MAF: variants seen among roughly 807,000 people sequenced by gnomAD.
MAF encodes MAF bZIP transcription factor, also known as transcription factor Maf.
A neutral mutation model predicts 22.0 loss-of-function variants in MAF; 10 were observed. The observed-to-expected ratio is 0.45, with a 90% CI of 0.28 to 0.77. The LOEUF is 0.77. Ranked by LOEUF, MAF falls within the 30% of genes least tolerant of loss-of-function variation. The pLI is 0.12. For synonymous variants in MAF, 337 were observed against 255.8 expected, an observed-to-expected ratio of 1.32 and a Z score of -3.03; for missense variants, 544 against 548.4, an observed-to-expected ratio of 0.99 and a Z score of 0.08.
At chr16:79,304,387 G>A in the MAF span, among the ~76,000 whole-genome samples, 1 of 152,154 alleles carries the variant, frequency 6.6e-6, no homozygotes, top group East Asian at 1.9e-4. Context: ...GTAATAACAG[G>A]CAGAAAGGAA....
the MAF span, among the ~76,000 whole-genome samples, chr16:79,526,945 G>C: frequency 3.5e-4 from 54 of 152,274 alleles, 1 homozygote; most frequent in African/African-American, 1.1e-3. Context: ...GAATTGATTT[G>C]ATTGTAAAGT....
the MAF span, among the ~76,000 whole-genome samples, chr16:79,554,802 TCA>T: frequency 1.3e-5 from 2 of 152,256 alleles, no homozygotes; most frequent in South Asian, 4.2e-4. Context: ...GTGTGACCCC[TCA>T]GTTTCTCATG....
chr16:79,392,402 A>G, the MAF span, among the ~76,000 whole-genome samples: 1 of 149,826 alleles, frequency 6.7e-6, no homozygotes, highest in Admixed American at 6.6e-5. Flanking sequence ...GAGGAGAAAC[A>G]GGAAAAGAGA....
chr16:79,390,743 G>C, the MAF span, among the ~76,000 whole-genome samples: 3 of 152,190 alleles, frequency 2.0e-5, no homozygotes, highest in South Asian at 2.1e-4. Context: ...TGAGAGATAA[G>C]ATATGGGTAG....
At chr16:79,474,432 G>A in the MAF span, among the ~76,000 whole-genome samples, 1 of 152,138 alleles carries the variant, frequency 6.6e-6, no homozygotes, top group Non-Finnish European at 1.5e-5. Context: ...TGGCTGGCTG[G>A]GCAGACAGAC....
At chr16:79,535,861 A>G in the MAF span, among the ~76,000 whole-genome samples, 1 of 152,082 alleles carries the variant, frequency 6.6e-6, no homozygotes, top group African/African-American at 2.4e-5. Context: ...ATGAGCCACC[A>G]CACCCGGCTG....
the MAF span, among the ~76,000 whole-genome samples, chr16:79,384,625 C>T: frequency 1.6e-4 from 24 of 150,642 alleles, 1 homozygote; most frequent in East Asian, 4.0e-3. Context: ...GGTGTGGTGG[C>T]GGGCGCCTGT....
At chr16:79,441,794 C>A in the MAF span, among the ~76,000 whole-genome samples, 1 of 152,164 alleles carries the variant, frequency 6.6e-6, no homozygotes. Flanking sequence ...CTACTAGGAA[C>A]CCCAGTATGT....
At chr16:79,356,222 T>C in the MAF span, among the ~76,000 whole-genome samples, 1 of 152,072 alleles carries the variant, frequency 6.6e-6, no homozygotes, top group Non-Finnish European at 1.5e-5. Flanking sequence ...ACCCTTGCAA[T>C]GCACACATTC....
chr16:79,211,699 T>C, the MAF span: 5 of 1,614,240 alleles, frequency 3.1e-6, no homozygotes, highest in Admixed American at 3.3e-5. Flanking sequence ...TGCCGCTGCA[T>C]GCCCTCACCA....
chr16:79,446,246 T>C, the MAF span, among the ~76,000 whole-genome samples: 16 of 152,160 alleles, frequency 1.1e-4, no homozygotes, highest in African/African-American at 3.9e-4. Flanking sequence ...GAGCACTAGA[T>C]TAGGAACCTG....
chr16:79,236,810 C>T, the MAF span, among the ~76,000 whole-genome samples: 7 of 151,958 alleles, frequency 4.6e-5, no homozygotes, highest in Non-Finnish European at 8.8e-5. Flanking sequence ...AAGTGCACGC[C>T]ATCTCCGATG....
the MAF span, among the ~76,000 whole-genome samples, chr16:79,432,074 C>T: frequency 1.3e-5 from 2 of 152,180 alleles, no homozygotes; most frequent in African/African-American, 2.4e-5. Context: ...TCTCCAAAAT[C>T]CCTAGGTGTC....
chr16:79,583,167 G>A (rs1912629643), downstream of MAF, among the ~76,000 whole-genome samples: 2 of 152,116 alleles, frequency 1.3e-5, no homozygotes. Flanking sequence ...GATGATTACG[G>A]GCAACACAGA....
the MAF span, among the ~76,000 whole-genome samples, chr16:79,518,506 C>T: frequency 6.6e-6 from 1 of 152,220 alleles, no homozygotes; most frequent in Non-Finnish European, 1.5e-5. Context: ...TAGGGAAACA[C>T]AGGCTCTGCA....
downstream of MAF, among the ~76,000 whole-genome samples, chr16:79,581,147 C>T (rs997552720): frequency 6.6e-6 from 1 of 152,102 alleles, no homozygotes; most frequent in Non-Finnish European, 1.5e-5. Context: ...GAATTCTAAT[C>T]ACTCCATTAA....
At chr16:79,452,200 C>A in the MAF span, among the ~76,000 whole-genome samples, 1 of 152,048 alleles carries the variant, frequency 6.6e-6, no homozygotes, top group African/African-American at 2.4e-5. Flanking sequence ...ATTGCTGACC[C>A]CTGACAGAGT....
the MAF span, among the ~76,000 whole-genome samples, chr16:79,475,094 C>G: frequency 1.3e-5 from 2 of 152,188 alleles, no homozygotes; most frequent in Admixed American, 1.3e-4. Context: ...CTGGAAGCCT[C>G]CTCTCCAGGG....
chr16:79,263,326 T>A, the MAF span, among the ~76,000 whole-genome samples: 1 of 152,232 alleles, frequency 6.6e-6, no homozygotes, highest in Non-Finnish European at 1.5e-5. Flanking sequence ...AGATGGGGAA[T>A]GGCTATCTAT....
Sources: allele counts gnomAD v4.1 joint callset (sites outside exome capture counted in the v4.1 genomes callset), GRCh38; gene constraint gnomAD v4.1.1; transcripts MANE v1.5; gene names NCBI Gene and HGNC (gene_info 2026-07-23, HGNC 2026-07-21).